PACSIN2: variants seen among roughly 807,000 people sequenced by gnomAD.
PACSIN2 encodes protein kinase C and casein kinase substrate in neurons 2.
In PACSIN2, 25 loss-of-function variants were observed where a neutral mutation model predicts 63.8. The ratio of observed to expected loss-of-function variants is 0.39; its 90% CI spans 0.29 to 0.55. The LOEUF (loss-of-function observed/expected upper bound fraction) is 0.55, where lower values mean the gene tolerates loss of function less well. Among genes scored for constraint, PACSIN2 ranks in the 20% least tolerant of loss-of-function variants. The pLI, the probability that PACSIN2 is intolerant of heterozygous loss-of-function variation, is 0.62. For synonymous variants in PACSIN2, 255 were observed against 256.2 expected, an observed-to-expected ratio of 1.00 and a Z score of 0.05; for missense variants, 518 against 646.9, an observed-to-expected ratio of 0.80 and a Z score of 2.16.
At chr22:42,983,173 C>T (rs911924578) in intron 1 of PACSIN2, among the ~76,000 whole-genome samples, 2 of 151,826 alleles carry the variant, frequency 1.3e-5, no homozygotes, top group African/African-American at 2.4e-5. Flanking sequence ...AAAAATTAGC[C>T]GGCTGTGGTG....
intron 1 of PACSIN2, among the ~76,000 whole-genome samples, chr22:42,937,489 C>T (rs1290118696): frequency 6.6e-6 from 1 of 152,158 alleles, no homozygotes; most frequent in African/African-American, 2.4e-5. Context: ...TCTAGCCCCA[C>T]CACCAAAGTC....
intron 1 of PACSIN2, among the ~76,000 whole-genome samples, chr22:43,001,942 C>A (rs1326309816): frequency 6.6e-6 from 1 of 152,056 alleles, no homozygotes; most frequent in Admixed American, 6.5e-5. Flanking sequence ...AAATGAGCCA[C>A]CAGGAAAACA....
chr22:42,873,541 C>T (rs2267461), intron 10 of PACSIN2, among the ~76,000 whole-genome samples: 65,671 of 152,058 alleles, frequency 0.43, 14,720 homozygotes, highest in Non-Finnish European at 0.48. Flanking sequence ...CCCCCAGGCC[C>T]TGGCTTCCCT....
rs559193208 is a variant in PACSIN2, at chr22:42,982,125, G to C, written c.-78+32896C>G. ...CAGCCGCCCCGTCCGGGAGGGAGGT[G>C]GGGGGACAGCCCCCCGCCCGGCCAG... On this transcript the variant is annotated intron_variant, in intron 1 of 10. Coordinates refer to ENST00000263246, the MANE Select transcript of PACSIN2 (RefSeq NM_001184970.3). Among the ~76,000 whole-genome samples the C allele has an allele frequency of 6.6e-3, 839 of 126,454 alleles. 10 individuals are homozygous for C. The highest frequency in any genetic ancestry group is 9.0e-3 in the Non-Finnish European group (529 of 59,056). The allele number at this position is 126,454 out of a possible 152,430, so 83.0% of individuals were successfully genotyped here.
At chr22:43,007,301 CT>C (rs1924155962) in intron 1 of PACSIN2, among the ~76,000 whole-genome samples, 2 of 151,282 alleles carry the variant, frequency 1.3e-5, no homozygotes, top group South Asian at 4.2e-4. Context: ...ACTGCAATCT[CT>C]GCCCCCAGGT....
At chr22:42,946,818 T>C (rs1027489513) in intron 1 of PACSIN2, 1 of 152,262 alleles carries the variant, frequency 6.6e-6, no homozygotes, top group Non-Finnish European at 1.5e-5. Flanking sequence ...AACCACAGTA[T>C]TTAACAACTG....
chr22:42,885,087 C>A (rs1929377452), intron 5 of PACSIN2, among the ~76,000 whole-genome samples: 1 of 152,208 alleles, frequency 6.6e-6, no homozygotes, highest in African/African-American at 2.4e-5. Flanking sequence ...CCACTCCATC[C>A]CCCTCACACA....
intron 5 of PACSIN2, among the ~76,000 whole-genome samples, chr22:42,887,405 T>A (rs981561955): frequency 6.6e-6 from 1 of 152,170 alleles, no homozygotes; most frequent in Non-Finnish European, 1.5e-5. Flanking sequence ...GGTTTCCTCA[T>A]TCACAAAACA....
intron 1 of PACSIN2, among the ~76,000 whole-genome samples, chr22:42,960,185 C>T (rs1934081165): frequency 6.6e-6 from 1 of 152,224 alleles, no homozygotes; most frequent in South Asian, 2.1e-4. Flanking sequence ...CTTCTAATAT[C>T]TTCTTGTATT....
chr22:42,991,375 C>T (rs980659798), intron 1 of PACSIN2, among the ~76,000 whole-genome samples: 6 of 152,280 alleles, frequency 3.9e-5, no homozygotes, highest in Admixed American at 6.5e-5. Flanking sequence ...TGGGGAACAG[C>T]CCCTCCCACC....
chr22:42,953,720 C>T (rs976079013), intron 1 of PACSIN2, among the ~76,000 whole-genome samples: 1 of 152,150 alleles, frequency 6.6e-6, no homozygotes, highest in East Asian at 1.9e-4. Context: ...TGTTCAAAGC[C>T]ACCTGGCAAG....
At chr22:42,885,443 G>A (rs773679698) in intron 5 of PACSIN2, among the ~76,000 whole-genome samples, 6 of 151,964 alleles carry the variant, frequency 3.9e-5, no homozygotes, top group Admixed American at 2.0e-4. Context: ...TTCTACTATG[G>A]GGGTAGTCAC....
At chr22:42,944,009 G>A (rs535632198) in intron 1 of PACSIN2, among the ~76,000 whole-genome samples, 8 of 152,302 alleles carry the variant, frequency 5.3e-5, no homozygotes, top group Admixed American at 5.2e-4. Context: ...AGAGGAGATG[G>A]CTGGGCAGAG....
At chr22:42,949,991 C>T (rs1297874982) in intron 1 of PACSIN2, among the ~76,000 whole-genome samples, 1 of 152,184 alleles carries the variant, frequency 6.6e-6, no homozygotes. Context: ...ACCATGCAGG[C>T]CCTGCGGTCC....
At chr22:42,983,114 C>T (rs1459340852) in intron 1 of PACSIN2, among the ~76,000 whole-genome samples, 1 of 151,446 alleles carries the variant, frequency 6.6e-6, no homozygotes, top group Non-Finnish European at 1.5e-5. Context: ...GTCACGAGTT[C>T]GAGACCAGCC....
At chr22:42,986,744 G>A (rs1922642500) in intron 1 of PACSIN2, among the ~76,000 whole-genome samples, 1 of 151,974 alleles carries the variant, frequency 6.6e-6, no homozygotes, top group Non-Finnish European at 1.5e-5. Context: ...CCAGGAAGTG[G>A]GAACCCCACG....
At chr22:42,960,301 T>G (rs1411249419) in intron 1 of PACSIN2, among the ~76,000 whole-genome samples, 1 of 152,146 alleles carries the variant, frequency 6.6e-6, no homozygotes, top group Non-Finnish European at 1.5e-5. Flanking sequence ...AGGATAATCT[T>G]ACACTGTCCC....
Position 42,905,824 on chromosome 22 carries a change from C to A in PACSIN2, c.60+6197G>T, listed in dbSNP as rs568815423. Among the ~76,000 whole-genome samples the A allele has an allele frequency of 4.6e-5, 7 of 152,338 alleles. No homozygotes were observed. In the East Asian group the frequency reaches 1.4e-3, roughly 29 times the overall value. On this transcript the variant is annotated intron_variant, in intron 2 of 10. Transcript: ENST00000263246. ...GGGATTGGTGCTGGCCAGGGCTGGT[C>A]CCTGCCCTGTTTGCCCTAAAAGCAG...
At chr22:42,935,061 G>A (rs1292770287) in intron 1 of PACSIN2, among the ~76,000 whole-genome samples, 1 of 150,798 alleles carries the variant, frequency 6.6e-6, no homozygotes, top group Non-Finnish European at 1.5e-5. Context: ...GACTACAGGT[G>A]CCCGCCACCG....
Sources: gnomAD v4.1 joint callset for allele counts (sites outside exome capture counted in the v4.1 genomes callset) on GRCh38, gnomAD v4.1.1 for gene constraint, MANE v1.5 for transcripts, NCBI Gene and HGNC (gene_info 2026-07-23, HGNC 2026-07-21) for gene names.